PPP1R12B: variants seen among roughly 807,000 people sequenced by gnomAD.
The protein encoded by PPP1R12B is myosin phosphatase target subunit 2.
A neutral mutation model predicts 126.1 loss-of-function variants in PPP1R12B; 76 were observed. The observed-to-expected ratio is 0.60, with a 90% CI of 0.50 to 0.73. The LOEUF is 0.73. PPP1R12B is among the 30% of genes least tolerant of loss of function. The pLI, the probability that PPP1R12B is intolerant of heterozygous loss-of-function variation, is 0.00. For synonymous variants in PPP1R12B, 356 were observed against 434.7 expected (o/e 0.82, Z 2.25); for missense variants, 1,052 against 1,205.1 (o/e 0.87, Z 1.88).
At chr1:202,479,351 T>C (rs952212361) in intron 13 of PPP1R12B, among the ~76,000 whole-genome samples, 12 of 152,150 alleles carry the variant, frequency 7.9e-5, no homozygotes, top group African/African-American at 2.9e-4. Context: ...AGAAAAAAGT[T>C]TTTGAAGGTA....
rs115523015 is a variant in PPP1R12B, at chr1:202,373,989, A to C, written c.291+24847A>C. 7.0e-3 allele frequency among the ~76,000 whole-genome samples: 1,060 copies of C among 152,216 alleles called. 13 individuals carry two copies. The highest frequency in any genetic ancestry group is 0.025 in the African/African-American group (1,018 of 41,500). On this transcript the variant is annotated intron_variant, in intron 1 of 23. Coordinates refer to ENST00000608999, the MANE Select transcript of PPP1R12B (RefSeq NM_002481.4). ...ATTTTTTGATACCCTTGATTATAAA[A>C]CCGTTAATAACCCTGGGAAATTTAA...
At chr1:202,378,247 C>CTTTTTTTTTT (rs386369339) in intron 1 of PPP1R12B, among the ~76,000 whole-genome samples, 1 of 93,386 alleles carries the variant, frequency 1.1e-5, no homozygotes, top group East Asian at 3.7e-4. Flanking sequence ...TGTCTTCATT[C>CTTTTTTTTTT]TTTTTTTTTT....
intron 1 of PPP1R12B, among the ~76,000 whole-genome samples, chr1:202,356,178 T>G (rs894490078): frequency 1.3e-5 from 2 of 152,146 alleles, no homozygotes; most frequent in Admixed American, 6.6e-5. Flanking sequence ...AGAGCAAGAC[T>G]GTGTCTCAAA....
At chr1:202,465,540 T>G (rs1674867670) in intron 13 of PPP1R12B, among the ~76,000 whole-genome samples, 1 of 152,216 alleles carries the variant, frequency 6.6e-6, no homozygotes, top group Admixed American at 6.5e-5. Context: ...ATGGGTCATC[T>G]GGCTGTCCAG....
chr1:202,543,767 C>T (rs1685363817), intron 18 of PPP1R12B, among the ~76,000 whole-genome samples: 1 of 152,118 alleles, frequency 6.6e-6, no homozygotes, highest in South Asian at 2.1e-4. Context: ...ACACATCCCT[C>T]TTCCTCACTA....
intron 1 of PPP1R12B, among the ~76,000 whole-genome samples, chr1:202,360,834 C>T (rs1455730805): frequency 1.3e-5 from 2 of 151,880 alleles, no homozygotes; most frequent in East Asian, 1.9e-4. Flanking sequence ...AAATATTTTC[C>T]GTGATTGGCA....
chr1:202,493,572 GT>G (rs1361985584), intron 15 of PPP1R12B, among the ~76,000 whole-genome samples: 2 of 152,190 alleles, frequency 1.3e-5, no homozygotes, highest in Non-Finnish European at 2.9e-5. Flanking sequence ...AGAGGTCATA[GT>G]ATAACAAAAT....
intron 1 of PPP1R12B, among the ~76,000 whole-genome samples, chr1:202,370,584 T>A (rs930351641): frequency 6.6e-5 from 10 of 152,140 alleles, no homozygotes; most frequent in Admixed American, 2.0e-4. Context: ...GTCACTAGGC[T>A]GGAGTGCAGT....
chr1:202,524,185 T>A (rs1683079831), intron 18 of PPP1R12B, among the ~76,000 whole-genome samples: 1 of 152,106 alleles, frequency 6.6e-6, no homozygotes, highest in South Asian at 2.1e-4. Flanking sequence ...CTGGATATAT[T>A]TGAAGGTAGA....
At chr1:202,527,189 A>G (rs751895928) in intron 18 of PPP1R12B, 18 of 152,180 alleles carry the variant, frequency 1.2e-4, no homozygotes, top group Non-Finnish European at 2.4e-4. Flanking sequence ...TTATTTTCCA[A>G]TGTCCACCTT....
At chr1:202,443,549 A>G (rs965523646) in intron 12 of PPP1R12B, among the ~76,000 whole-genome samples, 94 of 152,354 alleles carry the variant, frequency 6.2e-4, no homozygotes, top group African/African-American at 2.1e-3. Flanking sequence ...AGTTCTGTAG[A>G]TACATTCTAT....
chr1:202,554,497 C>T (rs921593504), intron 18 of PPP1R12B, among the ~76,000 whole-genome samples: 5 of 151,614 alleles, frequency 3.3e-5, no homozygotes, highest in African/African-American at 1.2e-4. Flanking sequence ...GTTGACTTTC[C>T]CAGGACATTG....
rs1405525095 is a variant in PPP1R12B at position 202,581,562 on chromosome 1, C to A, written c.*1002C>A. ...TTCCTTGACCTTGTTTTCCTCTCTT[C>A]GCCCTGACACCTGCTTCTAATGAGA... On this transcript the variant is annotated 3_prime_UTR_variant, in exon 24 of 24. Transcript: ENST00000608999. The A allele has an allele frequency of 6.6e-6, 1 of 152,182 alleles. No individual in the cohort carries two copies. The highest frequency in any genetic ancestry group is 2.1e-4 in the South Asian group (1 of 4,830). The allele number at this position is 152,182 out of a possible 1,614,324, so 9.4% of individuals were successfully genotyped here.
intron 10 of PPP1R12B, chr1:202,438,610 G>A (rs999272077): frequency 4.0e-6 from 2 of 494,916 alleles, no homozygotes; most frequent in African/African-American, 2.0e-5. Context: ...CGCTGCCATG[G>A]AGCCTGAGCC....
chr1:202,422,505 G>A, intron 2 of PPP1R12B, 115 bp from the exon 3 acceptor site: 1 of 853,134 alleles, frequency 1.2e-6, no homozygotes, highest in South Asian at 1.6e-5. Flanking sequence ...TATCTTAACT[G>A]AGACCATATT....
chr1:202,428,564 T>C, intron 5 of PPP1R12B: 1 of 342,892 alleles, frequency 2.9e-6, no homozygotes, highest in South Asian at 3.7e-5. Context: ...TTAGAACAGA[T>C]ACAAGTAGGG....
chr1:202,438,393 G>C (rs572813713), intron 10 of PPP1R12B: 1 of 643,130 alleles, frequency 1.6e-6, no homozygotes, highest in African/African-American at 1.9e-5. Flanking sequence ...TCCCCCCAGC[G>C]GCATGGCTTC....
At chr1:202,426,192 A>G (rs1259491057) in intron 4 of PPP1R12B, among the ~76,000 whole-genome samples, 1 of 152,050 alleles carries the variant, frequency 6.6e-6, no homozygotes. Context: ...TGTCTGTTCC[A>G]TTTTTCCTTA....
chr1:202,397,167 C>T (rs1402314064), intron 1 of PPP1R12B, among the ~76,000 whole-genome samples: 1 of 152,094 alleles, frequency 6.6e-6, no homozygotes, highest in Non-Finnish European at 1.5e-5. Flanking sequence ...CTCTTCATTC[C>T]ATTCTTAATC....
Sources: allele counts gnomAD v4.1 joint callset (sites outside exome capture counted in the v4.1 genomes callset), GRCh38; gene constraint gnomAD v4.1.1; transcripts MANE v1.5; gene names NCBI Gene and HGNC (gene_info 2026-07-23, HGNC 2026-07-21).